The following SH3GL1 variants were observed in gnomAD, a reference collection of about 807,000 sequenced individuals.
SH3GL1 encodes the protein SH3 domain containing GRB2 like 1, endophilin A2.
Under a neutral mutation model 48.8 loss-of-function variants are expected in SH3GL1, and 21 were observed. The ratio of observed to expected loss-of-function variants is 0.43; its 90% CI spans 0.30 to 0.62. The LOEUF (loss-of-function observed/expected upper bound fraction) is 0.62, where lower values mean the gene tolerates loss of function less well. SH3GL1 is among the 20% of genes least tolerant of loss of function. The pLI is 0.11. For synonymous variants in SH3GL1, 282 were observed against 217.5 expected, an observed-to-expected ratio of 1.30 and a Z score of -2.61; for missense variants, 454 against 503.0, an observed-to-expected ratio of 0.90 and a Z score of 0.93.
intron 1 of SH3GL1, among the ~76,000 whole-genome samples, chr19:4,374,961 G>A (rs947036177): frequency 1.7e-4 from 26 of 152,222 alleles, no homozygotes; most frequent in Non-Finnish European, 2.1e-4. Flanking sequence ...CCAGCACATG[G>A]TGGCAGGGCG....
At chr19:4,391,574 T>C (rs1037220030) in intron 1 of SH3GL1, among the ~76,000 whole-genome samples, 2 of 152,204 alleles carry the variant, frequency 1.3e-5, no homozygotes, top group Non-Finnish European at 2.9e-5. Flanking sequence ...CCCTTGGTCC[T>C]GGTTTGTTAA....
rs940717137 is a variant in SH3GL1, at chr19:4,361,460, A to G, written c.*140T>C. ...CCCAAGTGTGGGGTCCTGCTCAGGG[A>G]GTACCTCAAGGGCCGGGGCCCAGGT... On this transcript the variant is annotated 3_prime_UTR_variant, in exon 10 of 10. Coordinates refer to ENST00000269886, the MANE Select transcript of SH3GL1 (RefSeq NM_003025.4). 11 of 645,426 alleles carry G rather than the reference A, an allele frequency of 1.7e-5. No individual in the cohort carries two copies. Among genetic ancestry groups the G allele is most frequent in the African/African-American group, 7.3e-5 (4 of 54,810 alleles). The allele number at this position is 645,426 out of a possible 1,614,324, so 40.0% of individuals were successfully genotyped here.
intron 1 of SH3GL1, among the ~76,000 whole-genome samples, chr19:4,395,273 C>T (rs1185549325): frequency 2.6e-5 from 4 of 152,178 alleles, no homozygotes; most frequent in Non-Finnish European, 5.9e-5. Flanking sequence ...AAAGGTTCCT[C>T]GTGATCAGCT....
At position 4,361,726 on chromosome 19, in the gene SH3GL1, G is replaced by C. The variant is rs201385705; in HGVS notation, c.981C>G (p.Phe327Leu). The change falls in exon 10 of 10, where the codon TTC (phenylalanine) becomes TTG (leucine). Residue 327 changes from phenylalanine (F) to leucine (L), a missense_variant. Transcript: ENST00000269886. ...TCAGCGTGATGACGTCGCCCTCATG[G>C]AAGCCCAGCTCCCCGTCGTTCTCGG... ...FEPENDGELG[F>L]HEGDVITLTN... The C allele has an allele frequency of 3.9e-5, 63 of 1,613,248 alleles. 1 individual carries two copies. In the East Asian group the frequency reaches 1.4e-3, roughly 36 times the overall value.
In SH3GL1 at chr19:4,376,356, C is replaced by A. The variant is rs1973008702; in HGVS notation, c.46-9362G>T. The stretch of plus-strand genomic sequence containing the variant: ...CACATTCCTCAGCGCCCGCTCACAG[C>A]TCTGCCCACCGTGCATTCTGTAGAG... On this transcript the variant is annotated intron_variant, in intron 1 of 9. Transcript: ENST00000269886. This position sits in a 1 kb window ranked among gnomAD's most constrained non-coding sequence, Gnocchi z 4.3. Among the ~76,000 whole-genome samples, 1 of 152,138 alleles carries A rather than the reference C, an allele frequency of 6.6e-6. No individual in the cohort carries two copies. The highest frequency in any genetic ancestry group is 1.5e-5 in the Non-Finnish European group (1 of 68,014).
At chr19:4,364,050 G>T (rs1972703007) in intron 5 of SH3GL1, 38 bp downstream of exon 5, 2 of 1,611,022 alleles carry the variant, frequency 1.2e-6, no homozygotes, top group African/African-American at 1.3e-5. Flanking sequence ...ATCCGGCAGG[G>T]GGAAGGGACA....
Position 4,361,439 on chromosome 19 carries a change from A to G in SH3GL1, c.*161T>C, listed in dbSNP as rs1972607923. Reference sequence around the variant, plus strand: ...CCACCCAGATAAGCCCCCCCACCCAAGTGTGGGGTCCTGCTCAGGGAGTAC... The same window carrying G: ...CCACCCAGATAAGCCCCCCCACCCAGGTGTGGGGTCCTGCTCAGGGAGTAC... On this transcript the variant is annotated 3_prime_UTR_variant, in exon 10 of 10. Transcript: ENST00000269886. 2.5e-5 allele frequency: 15 copies of G among 603,706 alleles called. No individual in the cohort carries two copies. Among genetic ancestry groups the G allele is most frequent in the Non-Finnish European group, 2.9e-6 (1 of 342,556 alleles). The allele number at this position is 603,706 out of a possible 1,614,324, so 37.4% of individuals were successfully genotyped here.
At position 4,361,492 on chromosome 19, in the gene SH3GL1, G is replaced by T; in HGVS notation, c.*108C>A. On this transcript the variant is annotated 3_prime_UTR_variant, in exon 10 of 10. Coordinates refer to ENST00000269886, the MANE Select transcript of SH3GL1 (RefSeq NM_003025.4). ...CAAGGGCCGGGGCCCAGGTGGCGCC[G>T]GCAGGCTCAGACACCGCCCTGGCAG... 1 of 849,642 alleles carries T rather than the reference G, an allele frequency of 1.2e-6. No individual in the cohort carries two copies. The highest frequency in any genetic ancestry group is 1.8e-6 in the Non-Finnish European group (1 of 548,112). 52.6% of individuals were successfully genotyped at this position (849,642 alleles called of 1,614,324 possible). A position where few individuals can be genotyped will look rare whatever the true frequency, so the allele number is the denominator to read the frequency against.
In SH3GL1 at chr19:4,363,441, C is replaced by A. The variant is rs762165604; in HGVS notation, c.657G>T (p.Val219=). ...IEQVSQLSAL[V]DAQLDYHRQA... ...GCCGGTGGTAGTCCAGCTGTGCATC[C>A]ACCAGGGCCGAGAGCTGACTCACCT... The change falls in exon 7 of 10, where the codon GTG becomes GTT. Residue 219 remains valine, a synonymous_variant. Transcript: ENST00000269886. 35 of 1,612,734 alleles carry A rather than the reference C, an allele frequency of 2.2e-5. No individual in the cohort carries two copies. Among genetic ancestry groups the A allele is most frequent in the Non-Finnish European group, 2.7e-5 (32 of 1,179,772 alleles).
chr19:4,388,816 G>A (rs555826923), intron 1 of SH3GL1, among the ~76,000 whole-genome samples: 1 of 152,224 alleles, frequency 6.6e-6, no homozygotes, highest in African/African-American at 2.4e-5. Context: ...CTGGGTCAGA[G>A]ACTGCCTGTG....
At position 4,376,770 on chromosome 19, in the gene SH3GL1, C is replaced by T. The variant is rs1353305983; in HGVS notation, c.46-9776G>A. Among the ~76,000 whole-genome samples, 2 of 152,198 alleles carry T rather than the reference C, an allele frequency of 1.3e-5. No homozygotes were observed. Among genetic ancestry groups the T allele is most frequent in the Admixed American group, 6.5e-5 (1 of 15,284 alleles). On this transcript the variant is annotated intron_variant, in intron 1 of 9. Transcript: ENST00000269886. This position sits in a 1 kb window ranked among gnomAD's most constrained non-coding sequence, Gnocchi z 4.3. ...TGTCCCCATGGCTGCAAGGCTGCCC[C>T]ACCCTCCTGCTATCCTCACGGGGCC...
chr19:4,363,684 A>G, intron 6 of SH3GL1, 36 bp downstream of exon 6: 1 of 1,611,320 alleles, frequency 6.2e-7, no homozygotes, highest in South Asian at 1.1e-5. Context: ...CCAAGGGCAT[A>G]GGTCTTCTCA....
chr19:4,392,564 ACACAC>A lies in SH3GL1; in HGVS notation c.45+7755_45+7759del, dbSNP rs1568422039. The stretch of plus-strand genomic sequence containing the variant: ...CACACACACACACACACACACACAC[ACACAC>A]AAAAGATCATTCCATGTTTATGGCT... On this transcript the variant is annotated intron_variant, in intron 1 of 9. Transcript: ENST00000269886. Among the ~76,000 whole-genome samples, 446 of 128,210 alleles carry A rather than the reference ACACAC, an allele frequency of 3.5e-3. 1 individual carries two copies. The highest frequency in any genetic ancestry group is 0.013 in the African/African-American group (426 of 33,682). The allele number at this position is 128,210 out of a possible 152,430, so 84.1% of individuals were successfully genotyped here.
Position 4,367,271 on chromosome 19 carries a change from C to A in SH3GL1, c.46-277G>T, listed in dbSNP as rs1292826380. On this transcript the variant is annotated intron_variant, in intron 1 of 9. Coordinates refer to ENST00000269886, the MANE Select transcript of SH3GL1 (RefSeq NM_003025.4). The surrounding 1 kb of genome is among the most constrained non-coding windows in gnomAD (Gnocchi z 4.2). The stretch of plus-strand genomic sequence containing the variant: ...CACATACCCACTGGGGACCCTGCCA[C>A]AGTAGGCCCCATCTGGGCCACGGTG... Among the ~76,000 whole-genome samples, 1 of 152,206 alleles carries A rather than the reference C, an allele frequency of 6.6e-6. No homozygotes were observed. Among genetic ancestry groups the A allele is most frequent in the African/African-American group, 2.4e-5 (1 of 41,454 alleles).
rs1340517289 is a variant in SH3GL1, at chr19:4,389,984, C to T, written c.45+10340G>A. ...TGCCATCTGGATTCTGAGTATCTGC[C>T]ATGACCACCGCCCCTACAGACTGTG... On this transcript the variant is annotated intron_variant, in intron 1 of 9. Transcript: ENST00000269886. This position sits in a 1 kb window ranked among gnomAD's most constrained non-coding sequence, Gnocchi z 4.5. 6.6e-6 allele frequency: 1 copy of T among 152,372 alleles called. No homozygotes were observed. The highest frequency in any genetic ancestry group is 6.5e-5 in the Admixed American group (1 of 15,288). 9.4% of individuals were successfully genotyped at this position (152,372 alleles called of 1,614,324 possible).
Position 4,362,731 on chromosome 19 carries a change from C to T in SH3GL1, c.734G>A (p.Arg245Gln), listed in dbSNP as rs773744604. The T allele has an allele frequency of 9.9e-6, 16 of 1,613,926 alleles. No individual in the cohort carries two copies. Among genetic ancestry groups the T allele is most frequent in the Non-Finnish European group, 1.3e-5 (15 of 1,180,012 alleles). ...CCGCTTAGGGCGTGAGGAAGCTTCC[C>T]GCATCCTGTGAAGGGAGAGGCGTGA... Reference protein sequence around the residue: ...ELAEKLKRRMREASSRPKREY... With the variant: ...ELAEKLKRRMQEASSRPKREY... Residue 245 changes from arginine (R) to glutamine (Q), a missense_variant, in exon 8 of 10, where the codon CGG (arginine) becomes CAG (glutamine). Transcript: ENST00000269886.
At chr19:4,398,176 G>C (rs976458088) in intron 1 of SH3GL1, among the ~76,000 whole-genome samples, 2 of 151,986 alleles carry the variant, frequency 1.3e-5, no homozygotes, top group African/African-American at 2.4e-5. Context: ...CAGGGGCAAA[G>C]GTACCTGCTG....
At chr19:4,372,137 A>G (rs1456187896) in intron 1 of SH3GL1, among the ~76,000 whole-genome samples, 4 of 152,232 alleles carry the variant, frequency 2.6e-5, no homozygotes, top group African/African-American at 4.8e-5. Flanking sequence ...ACTAGGGGAC[A>G]ACAGCCCCAG....
At chr19:4,375,788 C>T (rs1476467407) in intron 1 of SH3GL1, among the ~76,000 whole-genome samples, 2 of 152,184 alleles carry the variant, frequency 1.3e-5, no homozygotes, top group Non-Finnish European at 2.9e-5. Flanking sequence ...AAAGCCAACC[C>T]ACAAACAAAT....
Sources: allele counts gnomAD v4.1 joint callset (sites outside exome capture counted in the v4.1 genomes callset), GRCh38; gene constraint gnomAD v4.1.1; non-coding constraint Gnocchi (gnomAD v3.1); transcripts MANE v1.5; gene names NCBI Gene and HGNC (gene_info 2026-07-23, HGNC 2026-07-21).